Variants in JAZF1 observed in about 807,000 individuals in gnomAD.
JAZF1 encodes the protein juxtaposed with another zinc finger protein 1.
Under a neutral mutation model 26.4 loss-of-function variants are expected in JAZF1, and 8 were observed. The ratio of observed to expected loss-of-function variants is 0.30; its 90% CI spans 0.18 to 0.55. JAZF1 has a LOEUF of 0.55. Among genes scored for constraint, JAZF1 ranks in the 20% least tolerant of loss-of-function variants. JAZF1 has a pLI of 0.94. For synonymous variants in JAZF1, 126 were observed against 122.3 expected, an observed-to-expected ratio of 1.03 and a Z score of -0.20; for missense variants, 199 against 322.0, an observed-to-expected ratio of 0.62 and a Z score of 2.92.
At chr7:27,939,070 G>A (rs748743915) in intron 2 of JAZF1, among the ~76,000 whole-genome samples, 24 of 152,086 alleles carry the variant, frequency 1.6e-4, no homozygotes, top group South Asian at 8.3e-4. Flanking sequence ...CTGAAGCTTG[G>A]GCCATTTCTC....
At chr7:28,075,870 T>C (rs1193938537) in intron 1 of JAZF1, among the ~76,000 whole-genome samples, 2 of 152,226 alleles carry the variant, frequency 1.3e-5, no homozygotes, top group African/African-American at 4.8e-5. Context: ...CACAGTGACA[T>C]CAGATCATAA....
At chr7:28,024,914 A>C (rs1355018284) in intron 1 of JAZF1, among the ~76,000 whole-genome samples, 2 of 152,148 alleles carry the variant, frequency 1.3e-5, no homozygotes, top group African/African-American at 4.8e-5. Context: ...CTACTTTCTA[A>C]AGCACCATGA....
chr7:27,880,595 C>T (rs953779329), intron 3 of JAZF1, among the ~76,000 whole-genome samples: 3 of 151,944 alleles, frequency 2.0e-5, no homozygotes, highest in Non-Finnish European at 2.9e-5. Context: ...ATCATGCCAC[C>T]GCACTCCAGC....
chr7:27,876,642 T>C (rs1783685365), intron 3 of JAZF1, among the ~76,000 whole-genome samples: 1 of 152,210 alleles, frequency 6.6e-6, no homozygotes, highest in Non-Finnish European at 1.5e-5. Flanking sequence ...TAATTAATAA[T>C]TAGCTTTGGC....
At chr7:27,872,762 G>A (rs540867222) in intron 3 of JAZF1, among the ~76,000 whole-genome samples, 17 of 152,154 alleles carry the variant, frequency 1.1e-4, no homozygotes, top group African/African-American at 3.9e-4. Flanking sequence ...GCTCCTTATT[G>A]TCTTTGGGGC....
intron 2 of JAZF1, among the ~76,000 whole-genome samples, chr7:27,914,414 T>C (rs914048378): frequency 2.0e-5 from 3 of 152,138 alleles, no homozygotes; most frequent in South Asian, 2.1e-4. Flanking sequence ...AGAAGACCAC[T>C]GTGTATGGTT....
In JAZF1 at chr7:27,973,393, G is replaced by A. The variant is rs181465066; in HGVS notation, c.188+18516C>T. ...GCTCATTGCAATCTTGACCTTCTGG[G>A]CTCTGGTGATCCTCCTCCCTCAGCC... On this transcript the variant is annotated intron_variant, in intron 2 of 4. Coordinates refer to ENST00000283928, the MANE Select transcript of JAZF1 (RefSeq NM_175061.4). 1.1e-4 allele frequency among the ~76,000 whole-genome samples: 16 copies of A among 152,164 alleles called. No individual in the cohort carries two copies. The East Asian group carries it at 3.1e-3, about 29-fold the overall frequency.
chr7:28,157,584 G>A (rs1048727721), intron 1 of JAZF1, among the ~76,000 whole-genome samples: 3 of 152,074 alleles, frequency 2.0e-5, no homozygotes, highest in Non-Finnish European at 1.5e-5. Context: ...CTGTCCCAAG[G>A]GCAGCAATTT....
chr7:28,174,190 G>T (rs1444628600), intron 1 of JAZF1, among the ~76,000 whole-genome samples: 1 of 152,156 alleles, frequency 6.6e-6, no homozygotes, highest in Non-Finnish European at 1.5e-5. Context: ...CGTCTGTACT[G>T]TCAAGATCTG....
intron 1 of JAZF1, among the ~76,000 whole-genome samples, chr7:28,098,771 A>T (rs1298699803): frequency 6.6e-6 from 1 of 152,208 alleles, no homozygotes; most frequent in Non-Finnish European, 1.5e-5. Context: ...TGTACTGACA[A>T]CATGTTTGGC....
At chr7:28,100,523 C>T (rs1369198274) in intron 1 of JAZF1, among the ~76,000 whole-genome samples, 3 of 152,048 alleles carry the variant, frequency 2.0e-5, no homozygotes, top group African/African-American at 7.2e-5. Context: ...AATTATATCT[C>T]AGACAACTTC....
intron 1 of JAZF1, among the ~76,000 whole-genome samples, chr7:28,040,556 C>T (rs1019238881): frequency 5.9e-5 from 9 of 152,022 alleles, no homozygotes; most frequent in African/African-American, 2.2e-4. Flanking sequence ...TACACGGTGC[C>T]ACAGTGGGGA....
chr7:27,884,512 G>A (rs1001792169), intron 3 of JAZF1, among the ~76,000 whole-genome samples: 2 of 144,392 alleles, frequency 1.4e-5, no homozygotes, highest in Non-Finnish European at 2.9e-5. Flanking sequence ...CATCACTCAA[G>A]AAAGTTCCCT....
intron 2 of JAZF1, among the ~76,000 whole-genome samples, chr7:27,912,276 T>C (rs1784370093): frequency 6.6e-6 from 1 of 152,238 alleles, no homozygotes; most frequent in South Asian, 2.1e-4. Flanking sequence ...GGATTCTTTG[T>C]GATGTTAACT....
chr7:27,923,992 A>G (rs993214561), intron 2 of JAZF1, among the ~76,000 whole-genome samples: 1 of 152,214 alleles, frequency 6.6e-6, no homozygotes, highest in African/African-American at 2.4e-5. Context: ...TGGGCACAAG[A>G]AATGCCACCT....
intron 1 of JAZF1, 195 bp from the exon 2 acceptor site, chr7:27,992,176 A>C: frequency 1.5e-6 from 1 of 649,088 alleles, no homozygotes; most frequent in Non-Finnish European, 2.9e-6. Context: ...TTACTTTTCA[A>C]GGGAATTCCA....
rs1783060398 is a variant in JAZF1, at chr7:27,848,032, T to G, written c.386-7165A>C. Among the ~76,000 whole-genome samples the G allele has an allele frequency of 2.6e-5, 4 of 152,266 alleles. No homozygotes were observed. The South Asian group carries it at 8.3e-4, about 32-fold the overall frequency. On this transcript the variant is annotated intron_variant, in intron 3 of 4. Transcript: ENST00000283928. ...TTTACTTTTTCTTTCTTAGGATCAC[T>G]TTGGTTATTTAGGGTCTTTGTGGTT...
intron 3 of JAZF1, among the ~76,000 whole-genome samples, chr7:27,887,276 T>C (rs1783885503): frequency 6.6e-6 from 1 of 152,152 alleles, no homozygotes; most frequent in African/African-American, 2.4e-5. Context: ...GGACTTAAAA[T>C]AAAAGTTAAT....
At chr7:28,073,080 T>C (rs144075932) in intron 1 of JAZF1, among the ~76,000 whole-genome samples, 1 of 152,322 alleles carries the variant, frequency 6.6e-6, no homozygotes, top group African/African-American at 2.4e-5. Flanking sequence ...CAGTGGGCAA[T>C]GTGTGACCCA....
Sources: allele counts gnomAD v4.1 joint callset (sites outside exome capture counted in the v4.1 genomes callset), GRCh38; gene constraint gnomAD v4.1.1; transcripts MANE v1.5; gene names NCBI Gene and HGNC (gene_info 2026-07-23, HGNC 2026-07-21).